XRCC3: variants seen among roughly 807,000 people sequenced by gnomAD.
The protein encoded by XRCC3 is X-ray repair cross complementing 3.
Under a neutral mutation model 29.2 loss-of-function variants are expected in XRCC3, and 34 were observed. The ratio of observed to expected loss-of-function variants is 1.16; its 90% confidence interval spans 0.88 to 1.55. The LOEUF (loss-of-function observed/expected upper bound fraction) is 1.55, where lower values mean the gene tolerates loss of function less well. Among genes scored for constraint, XRCC3 ranks in the 40% most tolerant of loss-of-function variants. XRCC3 has a pLI of 0.00. For missense variants in XRCC3, 463 were observed against 467.6 expected, an observed-to-expected ratio of 0.99 and a Z score of 0.09; for synonymous variants, 223 against 211.3, an observed-to-expected ratio of 1.06 and a Z score of -0.48.
chr14:103,706,995 C>G lies in XRCC3; in HGVS notation c.406+8G>C, dbSNP rs2083459580. 2 of 1,548,332 alleles carry G rather than the reference C, an allele frequency of 1.3e-6. No individual in the cohort carries two copies. Among genetic ancestry groups the G allele is most frequent in the Admixed American group, 3.8e-5 (2 of 52,458 alleles). ...TGCCCAGACCCCACGGAAGGGGTGG[C>G]CACTCACCAGCCTCCAGGCCTCCGT... On this transcript the variant is annotated splice_region_variant and intron_variant, in intron 6 of 9. Transcript: ENST00000555055.
At position 103,701,119 on chromosome 14, in the gene XRCC3, C is replaced by T. The variant is rs1056691491; in HGVS notation, c.562-1543G>A. On this transcript the variant is annotated intron_variant, in intron 7 of 9. Transcript: ENST00000555055. ...AGGCAGACTTGGGGTGGGGGTTCCC[C>T]AGAGAGCTGTTTCCAGAACAGAACT... 7 of 1,509,040 alleles carry T rather than the reference C, an allele frequency of 4.6e-6. No homozygotes were observed. In the African/African-American group the frequency reaches 9.7e-5, roughly 21 times the overall value. The allele number at this position is 1,509,040 out of a possible 1,614,324, so 93.5% of individuals were successfully genotyped here. A position where few individuals can be genotyped will look rare whatever the true frequency, so the allele number is the denominator to read the frequency against.
chr14:103,707,372 A>T, intron 5 of XRCC3, 157 bp from the exon 6 acceptor site: 35 of 806,050 alleles, frequency 4.3e-5, no homozygotes, highest in Middle Eastern at 3.6e-4. Context: ...GAGGGCAGGG[A>T]GGGGGGCCCA....
intron 7 of XRCC3, chr14:103,699,952 A>G: frequency 3.0e-6 from 1 of 338,926 alleles, no homozygotes; most frequent in Non-Finnish European, 5.8e-6. Flanking sequence ...ACAGGTCAGC[A>G]GCAACCAGCC....
chr14:103,708,070 G>A, intron 5 of XRCC3: 1 of 292,946 alleles, frequency 3.4e-6, no homozygotes, highest in South Asian at 3.3e-5. Flanking sequence ...AGGGCCTGCT[G>A]AGATGCAGGG....
intron 1 of XRCC3, chr14:103,713,532 G>A (rs2083703187): frequency 1.3e-5 from 2 of 152,360 alleles, no homozygotes; most frequent in South Asian, 4.1e-4. Context: ...AATGACTTCA[G>A]GGGGAGAGCT....
chr14:103,701,526 T>G, intron 7 of XRCC3: 1 of 349,792 alleles, frequency 2.9e-6, no homozygotes, highest in Non-Finnish European at 5.2e-6. Flanking sequence ...TTTTTTAAAT[T>G]AAAAGTTTAT....
chr14:103,700,317 C>T (rs2083059005), intron 7 of XRCC3: 1 of 276,998 alleles, frequency 3.6e-6, no homozygotes, highest in African/African-American at 2.2e-5. Context: ...GGAGGACCCC[C>T]CCAGTGAAGG....
At chr14:103,710,839 T>C (rs2083600131) in intron 4 of XRCC3, 194 bp downstream of exon 4, 7 of 572,628 alleles carry the variant, frequency 1.2e-5, no homozygotes, top group Non-Finnish European at 2.2e-5. Flanking sequence ...CTGAAAGAAA[T>C]CCATGTAGTT....
At chr14:103,700,360 G>A (rs1291265604) in intron 7 of XRCC3, 9 of 372,284 alleles carry the variant, frequency 2.4e-5, no homozygotes, top group East Asian at 5.0e-5. Flanking sequence ...GGGTGCTGCC[G>A]TGGCCTGTGG....
At chr14:103,703,486 A>G in intron 6 of XRCC3, 159 bp from the exon 7 acceptor site, 1 of 868,868 alleles carries the variant, frequency 1.2e-6, no homozygotes, top group Non-Finnish European at 1.8e-6. Flanking sequence ...GCTTTTTCTC[A>G]CCCTCCCACT....
chr14:103,700,483 C>A, intron 7 of XRCC3: 1 of 551,764 alleles, frequency 1.8e-6, no homozygotes, highest in Non-Finnish European at 3.2e-6. Flanking sequence ...GTAGTTCAGG[C>A]CCCACGGGCC....
chr14:103,699,759 A>C (rs1034756533), intron 7 of XRCC3, among the ~76,000 whole-genome samples, 183 bp from the exon 8 acceptor site: 2 of 152,058 alleles, frequency 1.3e-5, no homozygotes, highest in African/African-American at 2.4e-5. Context: ...AGAGGCCCCA[A>C]CTATAGAAGC....
At chr14:103,703,960 CAT>C (rs1428259186) in intron 6 of XRCC3, 1 of 161,428 alleles carries the variant, frequency 6.2e-6, no homozygotes, top group East Asian at 1.8e-4. Flanking sequence ...AAACAAATCA[CAT>C]GACTCAGCAG....
At chr14:103,711,983 C>G (rs1211089326) in intron 2 of XRCC3, 1 of 348,248 alleles carries the variant, frequency 2.9e-6, no homozygotes. Flanking sequence ...CGTAACCCAG[C>G]AGAGGAAAGG....
Position 103,711,262 on chromosome 14 carries a change from C to T in XRCC3, c.-158-17G>A, listed in dbSNP as rs2083616143. The T allele has an allele frequency of 2.8e-6, 2 of 709,962 alleles. No individual in the cohort carries two copies. Among genetic ancestry groups the T allele is most frequent in the Non-Finnish European group, 5.1e-6 (2 of 394,148 alleles). 44.0% of individuals were successfully genotyped at this position (709,962 alleles called of 1,614,324 possible). A position where few individuals can be genotyped will look rare whatever the true frequency, so the allele number is the denominator to read the frequency against. Reference sequence around the variant, plus strand: ...GCTCTGTCACTGAGGGTGGAGGAGACTTCACTGTAGAGGGAAGGCTGTCTA... The same window carrying T: ...GCTCTGTCACTGAGGGTGGAGGAGATTTCACTGTAGAGGGAAGGCTGTCTA... On this transcript the variant is annotated splice_polypyrimidine_tract_variant and intron_variant, in intron 3 of 9. Coordinates refer to ENST00000555055, the MANE Select transcript of XRCC3 (RefSeq NM_005432.4).
intron 4 of XRCC3, 69 bp from the exon 5 acceptor site, chr14:103,708,728 AG>A: frequency 6.2e-7 from 1 of 1,603,794 alleles, no homozygotes. Context: ...CAGTGACAAA[AG>A]GTGCTTTGTT....
chr14:103,703,151 A>C (rs2151930641), intron 7 of XRCC3, 22 bp downstream of exon 7: 1 of 1,560,468 alleles, frequency 6.4e-7, no homozygotes, highest in Non-Finnish European at 8.7e-7. Context: ...TGGGGGTGTC[A>C]TGGGGCTTCT....
At chr14:103,703,513 G>T in intron 6 of XRCC3, 186 bp from the exon 7 acceptor site, 1 of 685,130 alleles carries the variant, frequency 1.5e-6, no homozygotes. Context: ...CACCTCCGGG[G>T]CCAGGTGACC....
rs2082771086 is a variant in XRCC3 at position 103,698,531 on chromosome 14, C to T, written c.*267G>A. 5.7e-6 allele frequency: 3 copies of T among 523,526 alleles called. No homozygotes were observed. Among genetic ancestry groups the T allele is most frequent in the African/African-American group, 1.9e-5 (1 of 52,234 alleles). 32.4% of individuals were successfully genotyped at this position (523,526 alleles called of 1,614,324 possible). A position where few individuals can be genotyped will look rare whatever the true frequency, so the allele number is the denominator to read the frequency against. On this transcript the variant is annotated 3_prime_UTR_variant, in exon 10 of 10. Coordinates refer to ENST00000555055, the MANE Select transcript of XRCC3 (RefSeq NM_005432.4). ...GCTCCAGCCCTGAGAATCACCTCTC[C>T]CCAAGGGCCAGCTCAGCAGTGGGGA...
Sources: gnomAD v4.1 joint callset for allele counts (sites outside exome capture counted in the v4.1 genomes callset) on GRCh38, gnomAD v4.1.1 for gene constraint, MANE v1.5 for transcripts, NCBI Gene and HGNC (gene_info 2026-07-23, HGNC 2026-07-21) for gene names.